ANKFY1: variants seen among roughly 807,000 people sequenced by gnomAD.
The protein encoded by ANKFY1 is ankyrin repeat and FYVE domain containing 1, also known as ankyrin repeat and FYVE domain-containing protein 1.
A neutral mutation model predicts 128.3 loss-of-function variants in ANKFY1; 47 were observed. The observed-to-expected ratio is 0.37, with a 90% CI of 0.29 to 0.47. ANKFY1 has a LOEUF of 0.47. Among genes scored for constraint, ANKFY1 ranks in the 20% least tolerant of loss-of-function variants. The pLI, the probability that ANKFY1 is intolerant of heterozygous loss-of-function variation, is 1.00. For synonymous variants in ANKFY1, 553 were observed against 601.6 expected, an observed-to-expected ratio of 0.92 and a Z score of 1.18; for missense variants, 1,222 against 1,510.6, an observed-to-expected ratio of 0.81 and a Z score of 3.17.
intron 11 of ANKFY1, among the ~76,000 whole-genome samples, chr17:4,185,864 C>A (rs1319627040): frequency 6.6e-6 from 1 of 152,182 alleles, no homozygotes; most frequent in Non-Finnish European, 1.5e-5. Context: ...CGGACCTAAG[C>A]CCCGGCAATC....
intron 23 of ANKFY1, among the ~76,000 whole-genome samples, chr17:4,170,335 G>A (rs1453040005): frequency 6.6e-6 from 1 of 152,200 alleles, no homozygotes; most frequent in East Asian, 1.9e-4. Flanking sequence ...ACAGGGGAAG[G>A]AGAGCTGATA....
At chr17:4,196,656 C>T (rs1314233379) in intron 8 of ANKFY1, among the ~76,000 whole-genome samples, 1 of 152,106 alleles carries the variant, frequency 6.6e-6, no homozygotes, top group African/African-American at 2.4e-5. Flanking sequence ...GGAGTGTTTA[C>T]GAGAAGGTAA....
intron 1 of ANKFY1, among the ~76,000 whole-genome samples, chr17:4,251,206 C>G (rs971486730): frequency 6.6e-6 from 1 of 152,122 alleles, no homozygotes; most frequent in Non-Finnish European, 1.5e-5. Context: ...AATTGGAGAT[C>G]CATATGAAAA....
At chr17:4,220,550 A>G (rs1267078958) in intron 3 of ANKFY1, among the ~76,000 whole-genome samples, 1 of 152,322 alleles carries the variant, frequency 6.6e-6, no homozygotes, top group South Asian at 2.1e-4. Context: ...AAAAACCTAG[A>G]TTATCAAAAA....
intron 2 of ANKFY1, among the ~76,000 whole-genome samples, chr17:4,237,356 C>T (rs1412231623): frequency 2.0e-5 from 3 of 152,138 alleles, no homozygotes; most frequent in African/African-American, 7.2e-5. Flanking sequence ...GCTGTTAACA[C>T]AGTAGAACAT....
Position 4,235,839 on chromosome 17 carries a change from G to A in ANKFY1, c.255C>T (p.Val85=). 1.2e-6 allele frequency: 2 copies of A among 1,614,138 alleles called. No homozygotes were observed. Among genetic ancestry groups the A allele is most frequent in the Non-Finnish European group, 1.7e-6 (2 of 1,180,022 alleles). Residue 85 remains valine (V), a synonymous_variant, in exon 3 of 25, where the codon GTC becomes GTT. Coordinates refer to ENST00000341657, the MANE Select transcript of ANKFY1 (RefSeq NM_001330063.2). The part of the protein sequence containing the change: ...GDRHISAHKF[V]LAARSDSWSL... The stretch of plus-strand genomic sequence containing the variant: ...TCCAGCTGTCACTGCGGGCTGCCAG[G>A]ACAAACTTGTGAGCACTGATGTGCC...
intron 1 of ANKFY1, among the ~76,000 whole-genome samples, chr17:4,258,299 G>A (rs1378356916): frequency 2.0e-5 from 3 of 152,154 alleles, no homozygotes; most frequent in Non-Finnish European, 4.4e-5. Context: ...GCCGAGGCGG[G>A]CGGATCACGA....
chr17:4,202,605 G>A (rs187098913), intron 7 of ANKFY1, among the ~76,000 whole-genome samples: 55 of 143,366 alleles, frequency 3.8e-4, no homozygotes, highest in Admixed American at 1.3e-3. Flanking sequence ...GCTGAGGCAG[G>A]AGAATGGCGT....
In ANKFY1 at chr17:4,179,493, A is replaced by T. The variant is rs188723321; in HGVS notation, c.2397+228T>A. ...AGAGGAAATCTGTAACTAAGGGGGA[A>T]TAGGAGGCAAAGAGAAAGAGCTGAA... On this transcript the variant is annotated intron_variant, in intron 17 of 24. Transcript: ENST00000341657. 518 of 586,264 alleles carry T rather than the reference A, an allele frequency of 8.8e-4. 4 individuals carry two copies. Among genetic ancestry groups the T allele is most frequent in the African/African-American group, 8.6e-3 (463 of 53,988 alleles). 36.3% of individuals were successfully genotyped at this position (586,264 alleles called of 1,614,324 possible).
intron 2 of ANKFY1, 117 bp downstream of exon 2, chr17:4,242,139 G>T (rs757321924): frequency 8.6e-6 from 9 of 1,046,926 alleles, no homozygotes; most frequent in Non-Finnish European, 1.2e-5. Flanking sequence ...CTAGGGAATC[G>T]ATTTGCTAAT....
rs371390012 is a variant in ANKFY1, at chr17:4,242,844, A to G, written c.11-396T>C. On this transcript the variant is annotated intron_variant, in intron 1 of 24. Transcript: ENST00000341657. ...TCCTCTCAGAAGCTCAATATTATAC[A>G]GTATATGACAATGAAGAGATGTACC... Among the ~76,000 whole-genome samples, 112 of 152,368 alleles carry G rather than the reference A, an allele frequency of 7.4e-4. 1 individual carries two copies. The South Asian group carries it at 0.022, about 30-fold the overall frequency.
chr17:4,221,334 G>A (rs910771085), intron 3 of ANKFY1, among the ~76,000 whole-genome samples: 9 of 152,114 alleles, frequency 5.9e-5, no homozygotes, highest in African/African-American at 9.7e-5. Context: ...ACCTGAGCCT[G>A]CCGAGTAAAC....
At chr17:4,204,853 C>A (rs539910114) in intron 7 of ANKFY1, among the ~76,000 whole-genome samples, 15 of 152,294 alleles carry the variant, frequency 9.8e-5, no homozygotes, top group African/African-American at 3.6e-4. Context: ...CAGCACATAA[C>A]GGTGCTTGAG....
intron 19 of ANKFY1, among the ~76,000 whole-genome samples, chr17:4,174,432 T>C (rs1322659507): frequency 6.6e-6 from 1 of 152,036 alleles, no homozygotes; most frequent in Admixed American, 6.6e-5. Flanking sequence ...AAAATTGTAA[T>C]AGGTACAAAC....
chr17:4,202,598 G>A (rs866614253), intron 7 of ANKFY1, among the ~76,000 whole-genome samples: 10 of 149,792 alleles, frequency 6.7e-5, no homozygotes, highest in South Asian at 4.2e-4. Flanking sequence ...ACGGGAGGCT[G>A]AGGCAGGAGA....
intron 14 of ANKFY1, among the ~76,000 whole-genome samples, chr17:4,182,683 G>A (rs2059536918): frequency 6.6e-6 from 1 of 152,190 alleles, no homozygotes; most frequent in Non-Finnish European, 1.5e-5. Flanking sequence ...GTCACTTGGA[G>A]ATAAAGGTAA....
chr17:4,241,246 C>T (rs948798293), intron 2 of ANKFY1, among the ~76,000 whole-genome samples: 2 of 146,648 alleles, frequency 1.4e-5, no homozygotes, highest in Non-Finnish European at 3.0e-5. Flanking sequence ...GCTAATAAGT[C>T]GCCAGCTGAG....
intron 3 of ANKFY1, among the ~76,000 whole-genome samples, chr17:4,234,468 A>C (rs1011871840): frequency 6.6e-6 from 1 of 152,152 alleles, no homozygotes; most frequent in Non-Finnish European, 1.5e-5. Flanking sequence ...GTGACATAAA[A>C]CAAGTAACAT....
intron 1 of ANKFY1, among the ~76,000 whole-genome samples, chr17:4,250,665 G>T (rs535361753): frequency 0.021 from 1,316 of 63,002 alleles, 21 homozygotes; most frequent in African/African-American, 0.053. Context: ...TTGAAAGAAT[G>T]ATTCTAATTT....
Sources: gnomAD v4.1 joint callset for allele counts (sites outside exome capture counted in the v4.1 genomes callset) on GRCh38, gnomAD v4.1.1 for gene constraint, MANE v1.5 for transcripts, NCBI Gene and HGNC (gene_info 2026-07-23, HGNC 2026-07-21) for gene names.